Variants in RGL1 observed in about 807,000 individuals in gnomAD.
The protein encoded by RGL1 is ral guanine nucleotide dissociation stimulator like 1.
Under a neutral mutation model 95.2 loss-of-function variants are expected in RGL1, and 24 were observed. That is an observed-to-expected ratio of 0.25 (90% CI 0.18 to 0.35). The LOEUF is 0.35. Ranked by LOEUF, RGL1 falls within the 10% of genes least tolerant of loss-of-function variation. The probability of loss-of-function intolerance (pLI) is 1.00; values close to 1 mark genes in which losing one functional copy is unlikely to be tolerated. For missense variants in RGL1, 715 were observed against 936.3 expected (o/e 0.76, Z 3.08); for synonymous variants, 329 against 344.9 (o/e 0.95, Z 0.51).
intron 1 of RGL1, chr1:183,648,016 CCTGAG>C (rs773914810): frequency 1.2e-6 from 2 of 1,614,064 alleles, no homozygotes; most frequent in African/African-American, 2.7e-5. Context: ...TCTAAAGCCT[CCTGAG>C]CTTTTGTGTT....
chr1:183,697,886 C>A (rs1654345850), intron 1 of RGL1, among the ~76,000 whole-genome samples: 2 of 152,158 alleles, frequency 1.3e-5, no homozygotes, highest in Admixed American at 1.3e-4. Flanking sequence ...CGGGGCTGGT[C>A]CCTGCAGGTT....
chr1:183,656,094 GT>G (rs1391451923), intron 1 of RGL1, among the ~76,000 whole-genome samples: 5 of 139,224 alleles, frequency 3.6e-5, no homozygotes, highest in African/African-American at 8.3e-5. Context: ...AGCAGACCAA[GT>G]TTTTTTTCTT....
chr1:183,805,217 G>C lies in RGL1; in HGVS notation c.-81G>C. 1 of 1,575,938 alleles carries C rather than the reference G, an allele frequency of 6.3e-7. No homozygotes were observed. On this transcript the variant is annotated 5_prime_UTR_variant, in exon 1 of 18. Coordinates refer to ENST00000360851, the MANE Select transcript of RGL1 (RefSeq NM_001297671.3). ...ACCGGGACCGGGGCGAGGCGCCGCG[G>C]GGCTGAGCCCAGCAGACATTGCGTT...
intron 4 of RGL1, among the ~76,000 whole-genome samples, chr1:183,876,964 T>C (rs1222499651): frequency 6.6e-6 from 1 of 152,246 alleles, no homozygotes; most frequent in Admixed American, 6.5e-5. Context: ...TCTCTCCAGG[T>C]ATCTCAAAAT....
At chr1:183,672,585 GTCT>G (rs1384897685) in intron 1 of RGL1, among the ~76,000 whole-genome samples, 1 of 152,038 alleles carries the variant, frequency 6.6e-6, no homozygotes, top group Non-Finnish European at 1.5e-5. Flanking sequence ...CTTTCTACAG[GTCT>G]TTAATCTGCT....
chr1:183,827,192 G>A (rs1382807287), intron 2 of RGL1, among the ~76,000 whole-genome samples: 2 of 152,188 alleles, frequency 1.3e-5, no homozygotes, highest in Non-Finnish European at 2.9e-5. Context: ...CAAAGTGTTG[G>A]GATTACAGGT....
At chr1:183,714,020 C>T (rs183001506) in intron 1 of RGL1, among the ~76,000 whole-genome samples, 43 of 152,262 alleles carry the variant, frequency 2.8e-4, no homozygotes, top group African/African-American at 1.0e-3. Context: ...GCATGGATGT[C>T]ATAAGTGCTA....
At chr1:183,921,232 C>T (rs979583512) in intron 16 of RGL1, among the ~76,000 whole-genome samples, 3 of 152,174 alleles carry the variant, frequency 2.0e-5, no homozygotes, top group African/African-American at 7.2e-5. Context: ...AAAACACTTA[C>T]AAGCTGATGT....
At chr1:183,707,484 G>A (rs1440944558) in intron 1 of RGL1, among the ~76,000 whole-genome samples, 4 of 152,202 alleles carry the variant, frequency 2.6e-5, no homozygotes, top group African/African-American at 7.2e-5. Context: ...TGAAGTAAGC[G>A]TGGGGCATGG....
At chr1:183,829,390 A>G (rs1372733063) in intron 2 of RGL1, among the ~76,000 whole-genome samples, 1 of 151,824 alleles carries the variant, frequency 6.6e-6, no homozygotes, top group Non-Finnish European at 1.5e-5. Flanking sequence ...TGCATGAACC[A>G]TGATCATGCT....
rs1553273647 is a variant in RGL1, at chr1:183,713,383, C to CCG, written c.-32-28742_-32-28741insGC. ...AAAAAAAAATCTAGAGGCACCCCCC[C>CCG]CCCCCGCTTTTATAATGACCCTTTT... is the stretch of plus-strand genomic sequence containing the variant. On this transcript the variant is annotated intron_variant, in intron 1 of 18. Transcript: ENST00000304685. Among the ~76,000 whole-genome samples, 365 of 136,636 alleles carry CCG rather than the reference C, an allele frequency of 2.7e-3. 63 individuals are homozygous for CCG. Among genetic ancestry groups the CCG allele is most frequent in the African/African-American group, 9.8e-3 (348 of 35,524 alleles). The allele number at this position is 136,636 out of a possible 152,430, so 89.6% of individuals were successfully genotyped here.
intron 3 of RGL1, among the ~76,000 whole-genome samples, chr1:183,860,293 A>C (rs1444905388): frequency 2.6e-5 from 4 of 152,124 alleles, no homozygotes; most frequent in Admixed American, 1.3e-4. Flanking sequence ...GGTGTGTATT[A>C]ATTCATTGAG....
chr1:183,744,571 A>G (rs562997017), intron 2 of RGL1, among the ~76,000 whole-genome samples: 20 of 152,238 alleles, frequency 1.3e-4, no homozygotes, highest in African/African-American at 4.6e-4. Flanking sequence ...GGTGTTTATC[A>G]TTTTTATGCA....
intron 1 of RGL1, among the ~76,000 whole-genome samples, chr1:183,733,261 T>C (rs1253032260): frequency 6.6e-6 from 1 of 152,154 alleles, no homozygotes; most frequent in Non-Finnish European, 1.5e-5. Flanking sequence ...AATTTACTGA[T>C]AAAAATGTCA....
intron 5 of RGL1, 53 bp downstream of exon 5, chr1:183,880,853 C>G: frequency 6.6e-7 from 1 of 1,521,516 alleles, no homozygotes; most frequent in Non-Finnish European, 9.0e-7. Context: ...TCTCCAGCCT[C>G]CACGCTGGAG....
chr1:183,801,691 G>C (rs1341627861), upstream of RGL1, among the ~76,000 whole-genome samples: 1 of 152,154 alleles, frequency 6.6e-6, no homozygotes, highest in Non-Finnish European at 1.5e-5. Context: ...TCATGGTTCT[G>C]CAAGCTGTAC....
chr1:183,840,464 T>G (rs1284841505), intron 2 of RGL1, among the ~76,000 whole-genome samples: 1 of 152,140 alleles, frequency 6.6e-6, no homozygotes. Context: ...GTCCTCAGCA[T>G]GTCAAAGTTC....
At chr1:183,671,914 T>C (rs116821993) in intron 1 of RGL1, among the ~76,000 whole-genome samples, 9,494 of 151,798 alleles carry the variant, frequency 0.063, 500 homozygotes, top group African/African-American at 0.14. Context: ...TTAAGAAACA[T>C]TCCTTACCTT....
chr1:183,703,827 T>C (rs917583109), intron 1 of RGL1, among the ~76,000 whole-genome samples: 1 of 152,104 alleles, frequency 6.6e-6, no homozygotes, highest in African/African-American at 2.4e-5. Flanking sequence ...GGGGTGACAC[T>C]GAGTGGCAGA....
Sources: gnomAD v4.1 joint callset for allele counts (sites outside exome capture counted in the v4.1 genomes callset) on GRCh38, gnomAD v4.1.1 for gene constraint, MANE v1.5 for transcripts, NCBI Gene and HGNC (gene_info 2026-07-23, HGNC 2026-07-21) for gene names.